The following WWOX variants were observed in gnomAD, a reference collection of about 807,000 sequenced individuals.
WWOX encodes the protein WW domain-containing oxidoreductase.
In WWOX, 69 loss-of-function variants were observed where a neutral mutation model predicts 46.2. That is an observed-to-expected ratio of 1.49 (90% CI 1.23 to 1.82). WWOX has a LOEUF of 1.82. Among genes scored for constraint, WWOX ranks in the 40% most tolerant of loss-of-function variants. The probability of loss-of-function intolerance (pLI) is 0.00; values close to 1 mark genes in which losing one functional copy is unlikely to be tolerated. For synonymous variants in WWOX, 359 were observed against 202.6 expected (o/e 1.77, Z -6.56); for missense variants, 919 against 542.6 (o/e 1.69, Z -6.89).
chr16:78,608,695 C>A (rs576504216), intron 8 of WWOX, among the ~76,000 whole-genome samples: 2 of 152,218 alleles, frequency 1.3e-5, no homozygotes, highest in African/African-American at 4.8e-5. Context: ...ACAGGCATTA[C>A]TGACATGACG....
intron 4 of WWOX, among the ~76,000 whole-genome samples, chr16:78,148,947 C>T (rs1259147738): frequency 4.1e-5 from 5 of 120,968 alleles, no homozygotes; most frequent in Admixed American, 4.1e-4. Flanking sequence ...ATTTTGATTA[C>T]AAAAAATTTC....
chr16:78,665,030 C>T (rs1014454151), intron 8 of WWOX, among the ~76,000 whole-genome samples: 13 of 152,178 alleles, frequency 8.5e-5, no homozygotes, highest in Non-Finnish European at 1.5e-4. Flanking sequence ...ATTCATCAGC[C>T]TGCATCCTGT....
chr16:79,018,525 G>C (rs9931739), intron 8 of WWOX, among the ~76,000 whole-genome samples: 13,762 of 152,180 alleles, frequency 0.09, 1,019 homozygotes, highest in African/African-American at 0.2. Flanking sequence ...ACAATGGTCT[G>C]ATTAATTGAA....
In WWOX at chr16:78,522,144, A is replaced by T. The variant is rs546504071; in HGVS notation, c.1056+89392A>T. 5.2e-5 allele frequency among the ~76,000 whole-genome samples: 4 copies of T among 77,120 alleles called. No individual in the cohort carries two copies. The South Asian group carries it at 1.8e-3, about 34-fold the overall frequency. 50.6% of individuals were successfully genotyped at this position (77,120 alleles called of 152,430 possible). A position where few individuals can be genotyped will look rare whatever the true frequency, so the allele number is the denominator to read the frequency against. ...GAGAAGGGAAGTGATGGAAGGCTTT[A>T]AAAAAAAAAAAAAAAAACTTCAGAA... On this transcript the variant is annotated intron_variant, in intron 8 of 8. Coordinates refer to ENST00000566780, the MANE Select transcript of WWOX (RefSeq NM_016373.4).
At chr16:78,223,454 T>C (rs2036955856) in intron 5 of WWOX, among the ~76,000 whole-genome samples, 1 of 152,068 alleles carries the variant, frequency 6.6e-6, no homozygotes, top group Non-Finnish European at 1.5e-5. Flanking sequence ...GCCAGGGATG[T>C]GTTGATGGGT....
At chr16:78,856,582 G>T (rs777604104) in intron 8 of WWOX, among the ~76,000 whole-genome samples, 1 of 152,254 alleles carries the variant, frequency 6.6e-6, no homozygotes, top group African/African-American at 2.4e-5. Flanking sequence ...GGCAGAGATT[G>T]CAGTGAGCCC....
At chr16:78,934,493 T>G (rs28361930) in intron 8 of WWOX, among the ~76,000 whole-genome samples, 2 of 134,076 alleles carry the variant, frequency 1.5e-5, no homozygotes, top group Non-Finnish European at 3.1e-5. Context: ...TGGGCAACAG[T>G]GCGAAACCCT....
chr16:78,110,387 T>C (rs917303006), intron 3 of WWOX, among the ~76,000 whole-genome samples: 2 of 151,774 alleles, frequency 1.3e-5, no homozygotes, highest in South Asian at 2.1e-4. Context: ...GTGGACTGTT[T>C]AGTAACCTGC....
chr16:78,459,318 C>T (rs1004274052), intron 8 of WWOX, among the ~76,000 whole-genome samples: 5 of 152,280 alleles, frequency 3.3e-5, no homozygotes, highest in Middle Eastern at 6.8e-3. Flanking sequence ...TATGTTTTAA[C>T]GGACATGGTA....
intron 8 of WWOX, among the ~76,000 whole-genome samples, chr16:78,648,189 T>C (rs2046886853): frequency 6.6e-6 from 1 of 152,152 alleles, no homozygotes. Flanking sequence ...GCTATTTCTT[T>C]AGGACGTCAA....
At chr16:78,930,268 T>TTCCTTCCTTCCTTCCTTCCTTCC (rs1160289801) in intron 8 of WWOX, among the ~76,000 whole-genome samples, 1 of 118,248 alleles carries the variant, frequency 8.5e-6, no homozygotes, top group Non-Finnish European at 1.8e-5. Flanking sequence ...CCTTCCTTCC[T>TTCCTTCCTTCCTTCCTTCCTTCC]TTCTCTCTTT....
intron 5 of WWOX, among the ~76,000 whole-genome samples, chr16:78,351,153 G>T (rs982998204): frequency 2.6e-5 from 4 of 152,108 alleles, no homozygotes; most frequent in Non-Finnish European, 4.4e-5. Flanking sequence ...ACAGTGCAGT[G>T]TGTGCTTTTA....
chr16:79,072,610 CATT>C (rs748862347), intron 8 of WWOX, among the ~76,000 whole-genome samples: 4 of 152,206 alleles, frequency 2.6e-5, no homozygotes, highest in Non-Finnish European at 2.9e-5. Context: ...TATTCAGTAT[CATT>C]ATCGAAGCTA....
intron 8 of WWOX, among the ~76,000 whole-genome samples, chr16:78,616,013 G>C (rs1017197633): frequency 4.5e-4 from 68 of 152,138 alleles, no homozygotes; most frequent in African/African-American, 1.5e-3. Flanking sequence ...GCCTCCCAAA[G>C]TGCTGGGATT....
chr16:78,870,657 G>A (rs548784621), intron 8 of WWOX, among the ~76,000 whole-genome samples: 7 of 152,128 alleles, frequency 4.6e-5, no homozygotes, highest in South Asian at 2.1e-4. Flanking sequence ...GCTGGAGTGC[G>A]GTGGTGCGAT....
chr16:79,071,168 C>G (rs1233205752), intron 8 of WWOX, among the ~76,000 whole-genome samples: 2 of 152,208 alleles, frequency 1.3e-5, no homozygotes, highest in Non-Finnish European at 2.9e-5. Context: ...TGTATGATCA[C>G]TTTCTTCTGA....
At chr16:78,374,708 C>A (rs779139286) in intron 5 of WWOX, among the ~76,000 whole-genome samples, 1 of 151,938 alleles carries the variant, frequency 6.6e-6, no homozygotes, top group East Asian at 1.9e-4. Flanking sequence ...GCCACCAGGC[C>A]TGGCTAATTT....
At chr16:78,382,766 A>G (rs2081982210) in intron 5 of WWOX, among the ~76,000 whole-genome samples, 1 of 152,186 alleles carries the variant, frequency 6.6e-6, no homozygotes, top group East Asian at 1.9e-4. Flanking sequence ...GGTTATATGA[A>G]TACATACACA....
intron 8 of WWOX, among the ~76,000 whole-genome samples, chr16:78,886,791 C>G (rs1049738795): frequency 6.6e-6 from 1 of 152,022 alleles, no homozygotes; most frequent in Non-Finnish European, 1.5e-5. Flanking sequence ...TCTGGTTCCA[C>G]CTGCAACAGC....
Sources: allele counts gnomAD v4.1 joint callset (sites outside exome capture counted in the v4.1 genomes callset), GRCh38; gene constraint gnomAD v4.1.1; transcripts MANE v1.5; gene names NCBI Gene and HGNC (gene_info 2026-07-23, HGNC 2026-07-21).